Variants in GULP1 observed in about 807,000 individuals in gnomAD.
GULP1 encodes PTB domain-containing engulfment adapter protein 1.
GULP1 carries 19 observed loss-of-function variants against 40.9 expected under a neutral mutation model. The ratio of observed to expected loss-of-function variants is 0.46; its 90% CI spans 0.32 to 0.68. The LOEUF (loss-of-function observed/expected upper bound fraction) is 0.68, where lower values mean the gene tolerates loss of function less well. Among genes scored for constraint, GULP1 ranks in the 30% least tolerant of loss-of-function variants. The pLI is 0.03. For synonymous variants in GULP1, 119 were observed against 117.6 expected (o/e 1.01, Z -0.08); for missense variants, 312 against 362.2 (o/e 0.86, Z 1.12).
At chr2:188,413,278 A>G (rs1330773536) in intron 2 of GULP1, among the ~76,000 whole-genome samples, 1 of 152,194 alleles carries the variant, frequency 6.6e-6, no homozygotes, top group Admixed American at 6.5e-5. Flanking sequence ...ACTGTCTTCC[A>G]CAATGGTTGA....
At chr2:188,452,932 G>A (rs2058950205) in intron 2 of GULP1, among the ~76,000 whole-genome samples, 1 of 151,814 alleles carries the variant, frequency 6.6e-6, no homozygotes, top group Admixed American at 6.6e-5. Flanking sequence ...CTTTTTTGGA[G>A]GATTGTATGT....
chr2:188,565,919 C>T (rs1045747524), intron 7 of GULP1, among the ~76,000 whole-genome samples: 3 of 152,012 alleles, frequency 2.0e-5, no homozygotes. Context: ...AGAATACAGA[C>T]ACAAAATAAT....
At position 188,493,535 on chromosome 2, in the gene GULP1, T is replaced by C. The variant is rs552979687; in HGVS notation, c.90+10043T>C. Among the ~76,000 whole-genome samples the C allele has an allele frequency of 3.9e-5, 6 of 152,200 alleles. No individual in the cohort carries two copies. In the East Asian group the frequency reaches 1.2e-3, roughly 30 times the overall value. The stretch of plus-strand genomic sequence containing the variant: ...ACTTAAATCACCATCCATCTCTTGA[T>C]GACTTTCCTGCCTAAATGTCACCCC... On this transcript the variant is annotated intron_variant, in intron 4 of 11. Transcript: ENST00000409830.
At chr2:188,458,607 G>T (rs1239102714) in intron 2 of GULP1, among the ~76,000 whole-genome samples, 4 of 152,046 alleles carry the variant, frequency 2.6e-5, no homozygotes, top group Admixed American at 2.6e-4. Flanking sequence ...ATACAGACAT[G>T]CAATGCATAA....
chr2:188,531,022 T>A (rs963948293), intron 6 of GULP1, among the ~76,000 whole-genome samples: 1 of 152,188 alleles, frequency 6.6e-6, no homozygotes. Flanking sequence ...TCTGCAACTT[T>A]TCTCTAGTCC....
intron 11 of GULP1, chr2:188,592,459 T>A (rs1313855096): frequency 1.3e-5 from 2 of 151,972 alleles, no homozygotes; most frequent in Non-Finnish European, 2.9e-5. Context: ...AAAATATAAA[T>A]AAATATGGCA....
chr2:188,568,912 A>T (rs1201081084), intron 7 of GULP1, among the ~76,000 whole-genome samples: 2 of 152,142 alleles, frequency 1.3e-5, no homozygotes, highest in East Asian at 3.9e-4. Context: ...AAGGGAGAAA[A>T]ACAAGTAGGA....
chr2:188,519,315 G>A (rs1180618562), intron 4 of GULP1, among the ~76,000 whole-genome samples: 3 of 152,138 alleles, frequency 2.0e-5, no homozygotes, highest in Non-Finnish European at 2.9e-5. Context: ...AAATATACTT[G>A]GAGTTCTTCC....
chr2:188,498,170 C>T (rs761628260), intron 4 of GULP1, among the ~76,000 whole-genome samples: 3 of 151,888 alleles, frequency 2.0e-5, no homozygotes, highest in Non-Finnish European at 4.4e-5. Flanking sequence ...GTATACTCAG[C>T]ATCCCAGAGA....
chr2:188,292,384 A>C lies in GULP1; in HGVS notation c.-172+218A>C, dbSNP rs927054416. Among the ~76,000 whole-genome samples, 4 of 152,242 alleles carry C rather than the reference A, an allele frequency of 2.6e-5. No individual in the cohort carries two copies. The highest frequency in any genetic ancestry group is 7.2e-5 in the African/African-American group (3 of 41,472). Reference sequence around the variant, plus strand: ...TGCTCAGGGAGTCGTCCAGCACTAAAGGAGGCTAAGACCTGTTGACGCCTG... The same window carrying C: ...TGCTCAGGGAGTCGTCCAGCACTAACGGAGGCTAAGACCTGTTGACGCCTG... On this transcript the variant is annotated intron_variant, in intron 1 of 11. Transcript: ENST00000409830. The surrounding 1 kb of genome is among the most constrained non-coding windows in gnomAD (Gnocchi z 4.0).
chr2:188,586,829 A>T (rs1702476669), intron 10 of GULP1, among the ~76,000 whole-genome samples: 1 of 152,050 alleles, frequency 6.6e-6, no homozygotes, highest in Non-Finnish European at 1.5e-5. Flanking sequence ...GTGATTTTAG[A>T]GGATATGGCA....
chr2:188,487,513 C>T (rs569167523), intron 4 of GULP1, among the ~76,000 whole-genome samples: 54 of 151,958 alleles, frequency 3.6e-4, no homozygotes, highest in African/African-American at 1.3e-3. Flanking sequence ...TATGACGTCC[C>T]TGTGGAGAGG....
chr2:188,581,433 C>T (rs1004419424), intron 9 of GULP1, among the ~76,000 whole-genome samples: 4 of 152,136 alleles, frequency 2.6e-5, no homozygotes, highest in African/African-American at 4.8e-5. Flanking sequence ...TGGCCTCTTG[C>T]TTATACTATA....
chr2:188,419,505 G>GA (rs35112545), intron 2 of GULP1, among the ~76,000 whole-genome samples: 3 of 149,250 alleles, frequency 2.0e-5, no homozygotes, highest in Non-Finnish European at 4.4e-5. Context: ...ATCTTTTTTG[G>GA]AAAAAATGTC....
chr2:188,311,242 G>A (rs2038046371), intron 1 of GULP1, among the ~76,000 whole-genome samples: 2 of 152,178 alleles, frequency 1.3e-5, no homozygotes, highest in South Asian at 2.1e-4. Flanking sequence ...TGTTGCACAG[G>A]CTGCAGTGCA....
At chr2:188,391,561 A>G (rs1383100565) in intron 2 of GULP1, among the ~76,000 whole-genome samples, 1 of 151,986 alleles carries the variant, frequency 6.6e-6, no homozygotes, top group Non-Finnish European at 1.5e-5. Context: ...GTGAATAGTG[A>G]TGGTTTGACT....
intron 2 of GULP1, among the ~76,000 whole-genome samples, chr2:188,447,979 A>G (rs902853493): frequency 1.2e-4 from 19 of 152,338 alleles, no homozygotes; most frequent in Middle Eastern, 3.4e-3. Flanking sequence ...GGGAATATAG[A>G]GATCATTCTG....
At chr2:188,451,661 A>G (rs1378413953) in intron 2 of GULP1, among the ~76,000 whole-genome samples, 6 of 152,146 alleles carry the variant, frequency 3.9e-5, no homozygotes, top group African/African-American at 7.2e-5. Flanking sequence ...TGAAAATACA[A>G]TGTTTTTAAA....
chr2:188,468,483 TCAA>T (rs2060312225), intron 2 of GULP1, among the ~76,000 whole-genome samples: 1 of 152,176 alleles, frequency 6.6e-6, no homozygotes, highest in Non-Finnish European at 1.5e-5. Flanking sequence ...GATTTGTAAT[TCAA>T]CATATATTAA....
Sources: allele counts gnomAD v4.1 joint callset (sites outside exome capture counted in the v4.1 genomes callset), GRCh38; gene constraint gnomAD v4.1.1; non-coding constraint Gnocchi (gnomAD v3.1); transcripts MANE v1.5; gene names NCBI Gene and HGNC (gene_info 2026-07-23, HGNC 2026-07-21).